Variants in LARP7 observed in about 807,000 individuals in gnomAD.
LARP7 encodes the protein La ribonucleoprotein 7, transcriptional regulator.
A neutral mutation model predicts 69.3 loss-of-function variants in LARP7; 52 were observed. The ratio of observed to expected loss-of-function variants is 0.75; its 90% CI spans 0.60 to 0.95. The LOEUF is 0.95. Ranked by LOEUF, LARP7 falls within the 40% of genes least tolerant of loss-of-function variation. The pLI is 0.00. For missense variants in LARP7, 733 were observed against 673.0 expected (o/e 1.09, Z -0.99); for synonymous variants, 254 against 215.9 (o/e 1.18, Z -1.55).
rs750405942 is a variant in LARP7, at chr4:112,647,704, A to C, written c.1012A>C (p.Thr338Pro). The change falls in exon 8 of 13, where the codon ACT (threonine) becomes CCT (proline). Residue 338 changes from threonine (T) to proline (P), a missense_variant. Transcript: ENST00000344442. ...TTTATTTCAAGATATAGAAATCTCTACTGAAGAGGAAAAGGATACTGGAGA... is the reference window on the plus strand; with the variant it reads ...TTTATTTCAAGATATAGAAATCTCTCCTGAAGAGGAAAAGGATACTGGAGA... ...SKENRDIEIS[T>P]EEEKDTGDLK... 35 of 1,537,132 alleles carry C rather than the reference A, an allele frequency of 2.3e-5. No individual in the cohort carries two copies. Among genetic ancestry groups the C allele is most frequent in the Non-Finnish European group, 3.0e-5 (34 of 1,147,242 alleles).
At chr4:112,648,185 A>G in intron 8 of LARP7, 2 of 531,970 alleles carry the variant, frequency 3.8e-6, no homozygotes, top group South Asian at 2.8e-5. Context: ...AAGACTTACC[A>G]TCACCAAAAC....
chr4:112,639,686 T>C (rs199842816), intron 1 of LARP7, among the ~76,000 whole-genome samples: 85 of 152,242 alleles, frequency 5.6e-4, no homozygotes, highest in East Asian at 4.8e-3. Context: ...CTGTTGAGAA[T>C]GGGTGACTTA....
Position 112,647,470 on chromosome 4 carries a change from A to G in LARP7, c.918A>G (p.Leu306=), listed in dbSNP as rs990748843. ...GCAGCTCTGAAGATGCAGAATCCCT[A>G]GCTCCCCGATCAAAAGTAAAGAAAA... ...KRSSSEDAES[L]APRSKVKKII... The change falls in exon 7 of 13, where the codon CTA becomes CTG. Residue 306 remains leucine (L), a synonymous_variant. Coordinates refer to ENST00000344442, the MANE Select transcript of LARP7 (RefSeq NM_016648.4). 1.9e-6 allele frequency: 3 copies of G among 1,613,844 alleles called. No homozygotes were observed. The highest frequency in any genetic ancestry group is 8.5e-7 in the Non-Finnish European group (1 of 1,179,920).
Position 112,646,857 on chromosome 4 carries a change from GT to G in LARP7, c.457del (p.Tyr153IlefsTer2). 2.5e-6 allele frequency: 4 copies of G among 1,607,270 alleles called. No individual in the cohort carries two copies. Among genetic ancestry groups the G allele is most frequent in the Non-Finnish European group, 3.4e-6 (4 of 1,178,412 alleles). On this transcript the variant is annotated frameshift_variant, in exon 5 of 13. Coordinates refer to ENST00000344442, the MANE Select transcript of LARP7 (RefSeq NM_016648.4). LOFTEE classifies it high-confidence loss of function. Reference protein sequence around the residue: ...ERVFGKCGNVVYISIPHYKST... With the variant: ...ERVFGKCGNVXYISIPHYKST... Reference sequence around the variant, plus strand: ...AGTATTTGGGAAATGTGGCAATGTTGTTTATATAAGTATACCACATTATAAG... The same window carrying G: ...AGTATTTGGGAAATGTGGCAATGTTGTTATATAAGTATACCACATTATAAG...
chr4:112,641,583 G>A (rs2047968201), intron 1 of LARP7, among the ~76,000 whole-genome samples: 1 of 152,220 alleles, frequency 6.6e-6, no homozygotes, highest in South Asian at 2.1e-4. Context: ...GCTTATGATG[G>A]AGGAAATGAG....
In LARP7 at chr4:112,650,456, A is replaced by C. The variant is rs779266957; in HGVS notation, c.1295-5A>C. On this transcript the variant is annotated splice_polypyrimidine_tract_variant and splice_region_variant and intron_variant, in intron 9 of 12. Transcript: ENST00000344442. ...TAGTCCTGGTCTTTTTCCTTTTCTA[A>C]TCAGCAGCCAACAGGGAAGAGTGTC... is the stretch of plus-strand genomic sequence containing the variant. 1.4e-5 allele frequency: 22 copies of C among 1,613,284 alleles called. No individual in the cohort carries two copies. The highest frequency in any genetic ancestry group is 1.8e-5 in the Non-Finnish European group (21 of 1,179,606).
Position 112,639,813 on chromosome 4 carries a change from GATTGGATAGAATA to G in LARP7, c.-3+2587_-3+2599del, listed in dbSNP as rs1379786917. 3.3e-5 allele frequency among the ~76,000 whole-genome samples: 5 copies of G among 152,176 alleles called. No individual in the cohort carries two copies. The East Asian group carries it at 5.8e-4, about 18-fold the overall frequency. On this transcript the variant is annotated intron_variant, in intron 1 of 12. Coordinates refer to ENST00000344442, the MANE Select transcript of LARP7 (RefSeq NM_016648.4). The stretch of plus-strand genomic sequence containing the variant: ...GTCAAACTGATAGGATTTAACAAGA[GATTGGATAGAATA>G]ATTGGATAGAATTATTGATAATTGG...
chr4:112,648,864 T>TC (rs1387842145), intron 8 of LARP7, among the ~76,000 whole-genome samples: 1 of 150,202 alleles, frequency 6.7e-6, no homozygotes, highest in Non-Finnish European at 1.5e-5. Context: ...TTTTTTTTTT[T>TC]TGAAGTATAC....
At chr4:112,647,169 G>C (rs763870590) in intron 6 of LARP7, 30 bp from the exon 7 acceptor site, 27 of 1,593,686 alleles carry the variant, frequency 1.7e-5, no homozygotes, top group Non-Finnish European at 2.2e-5. Context: ...GTTGAAGTAA[G>C]ATGAACTAAT....
chr4:112,644,584 A>G (rs79121594), intron 1 of LARP7, 84 bp from the exon 2 acceptor site: 38,626 of 1,115,874 alleles, frequency 0.035, 828 homozygotes, highest in Middle Eastern at 0.066. Context: ...ATTCTCTCAG[A>G]CAGTTAAAGG....
chr4:112,647,446 C>A lies in LARP7; in HGVS notation c.894C>A (p.Ser298Arg). The A allele has an allele frequency of 1.2e-6, 2 of 1,614,024 alleles. No homozygotes were observed. The highest frequency in any genetic ancestry group is 1.7e-6 in the Non-Finnish European group (2 of 1,179,980). The part of the protein sequence containing the change: ...PEVRTGKRKR[S>R]SSEDAESLAP... ...TCAGAACAGGGAAGAGGAAGAGAAG[C>A]AGCTCTGAAGATGCAGAATCCCTAG... Residue 298 changes from serine to arginine, a missense_variant, in exon 7 of 13, where the codon AGC becomes AGA. Ser to Arg is a moderately radical substitution (Grantham distance 110, BLOSUM62 -1). Coordinates refer to ENST00000344442, the MANE Select transcript of LARP7 (RefSeq NM_016648.4).
intron 1 of LARP7, among the ~76,000 whole-genome samples, chr4:112,644,022 C>T (rs1051311438): frequency 6.6e-6 from 1 of 151,920 alleles, no homozygotes; most frequent in Non-Finnish European, 1.5e-5. Flanking sequence ...GCGGGCAGAT[C>T]ACCAGGACAG....
At chr4:112,653,750 A>G (rs1480114839) in intron 11 of LARP7, among the ~76,000 whole-genome samples, 1 of 152,080 alleles carries the variant, frequency 6.6e-6, no homozygotes, top group African/African-American at 2.4e-5. Context: ...TGGCCCCCCA[A>G]AGTGCTGGGA....
Position 112,650,463 on chromosome 4 carries a change from G to C in LARP7, c.1297G>C (p.Ala433Pro), listed in dbSNP as rs751122588. The change falls in exon 10 of 13, where the codon GCC (alanine) becomes CCC (proline). Residue 433 changes from alanine (A) to proline (P), a missense_variant and splice_region_variant. Transcript: ENST00000344442. The part of the protein sequence containing the change: ...QNTGMKNEKT[A>P]NREECRTQEK... The stretch of plus-strand genomic sequence containing the variant: ...GGTCTTTTTCCTTTTCTAATCAGCA[G>C]CCAACAGGGAAGAGTGTCGCACCCA... 26 of 1,613,396 alleles carry C rather than the reference G, an allele frequency of 1.6e-5. No homozygotes were observed. The Admixed American group carries it at 4.2e-4, about 26-fold the overall frequency.
At chr4:112,643,645 C>T (rs1337311039) in intron 1 of LARP7, among the ~76,000 whole-genome samples, 2 of 151,760 alleles carry the variant, frequency 1.3e-5, no homozygotes, top group Admixed American at 6.6e-5. Flanking sequence ...GTCAGGAGTT[C>T]GAGACCAGCC....
At chr4:112,643,787 G>A (rs2048051816) in intron 1 of LARP7, among the ~76,000 whole-genome samples, 2 of 152,030 alleles carry the variant, frequency 1.3e-5, no homozygotes, top group Non-Finnish European at 2.9e-5. Context: ...AGGAGGCAGA[G>A]CTTGCAGTAA....
intron 1 of LARP7, among the ~76,000 whole-genome samples, chr4:112,639,707 T>C (rs1171256741): frequency 6.6e-6 from 1 of 152,124 alleles, no homozygotes; most frequent in Admixed American, 6.6e-5. Flanking sequence ...CAGAACAGTT[T>C]ATAAACTATT....
At chr4:112,654,025 A>T in intron 11 of LARP7, 43 bp from the exon 12 acceptor site, 1 of 1,387,598 alleles carries the variant, frequency 7.2e-7, no homozygotes, top group Middle Eastern at 1.8e-4. Context: ...TTTTTCAGAT[A>T]TGTTCTTCTT....
intron 8 of LARP7, 99 bp downstream of exon 8, chr4:112,647,933 C>A: frequency 1.1e-6 from 1 of 896,724 alleles, no homozygotes; most frequent in Non-Finnish European, 1.9e-6. Flanking sequence ...ATATTAGCAA[C>A]AGTAATGGCC....
Sources: gnomAD v4.1 joint callset for allele counts (sites outside exome capture counted in the v4.1 genomes callset) on GRCh38, gnomAD v4.1.1 for gene constraint, MANE v1.5 for transcripts, NCBI Gene and HGNC (gene_info 2026-07-23, HGNC 2026-07-21) for gene names.